Variants in ASB18 observed in about 807,000 individuals in gnomAD.
ASB18 encodes the protein ankyrin repeat and SOCS box protein 18.
A neutral mutation model predicts 33.4 loss-of-function variants in ASB18; 33 were observed. That is an observed-to-expected ratio of 0.99 (90% CI 0.75 to 1.32). The LOEUF is 1.32. Ranked by LOEUF, ASB18 falls within the 40% of genes most tolerant of loss-of-function variation. The pLI is 0.00. For missense variants in ASB18, 694 were observed against 655.5 expected, an observed-to-expected ratio of 1.06 and a Z score of -0.64; for synonymous variants, 295 against 307.6, an observed-to-expected ratio of 0.96 and a Z score of 0.43.
chr2:236,259,985 G>T lies in ASB18; in HGVS notation c.205+4156C>A, dbSNP rs2060710661. 6.6e-6 allele frequency among the ~76,000 whole-genome samples: 1 copy of T among 152,124 alleles called. No homozygotes were observed. The highest frequency in any genetic ancestry group is 2.4e-5 in the African/African-American group (1 of 41,442). ...CTTTTTCTCTATGCTTTTTTTTGGTGATGTTGACATGGATGCATCAAAATA... is the reference window on the plus strand; with the variant it reads ...CTTTTTCTCTATGCTTTTTTTTGGTTATGTTGACATGGATGCATCAAAATA... On this transcript the variant is annotated intron_variant, in intron 1 of 5. Coordinates refer to ENST00000409749, the MANE Select transcript of ASB18 (RefSeq NM_212556.4). This position sits in a 1 kb window ranked among gnomAD's most constrained non-coding sequence, Gnocchi z 4.4.
chr2:236,218,006 GAA>G (rs373109598), intron 3 of ASB18, among the ~76,000 whole-genome samples: 1 of 151,864 alleles, frequency 6.6e-6, no homozygotes, highest in African/African-American at 2.4e-5. Flanking sequence ...TCTTTTTAAA[GAA>G]AAAATTTTTT....
chr2:236,246,796 T>A (rs2060646755), intron 1 of ASB18, among the ~76,000 whole-genome samples: 1 of 151,830 alleles, frequency 6.6e-6, no homozygotes, highest in Non-Finnish European at 1.5e-5. Context: ...GCTCTTTGGG[T>A]CTTTCCTTTC....
rs1435116635 is a variant in ASB18, at chr2:236,237,509, G to T, written c.596+180C>A. 6.6e-6 allele frequency among the ~76,000 whole-genome samples: 1 copy of T among 150,944 alleles called. No homozygotes were observed. Among genetic ancestry groups the T allele is most frequent in the Admixed American group, 6.6e-5 (1 of 15,192 alleles). ...ATCTGGGTCCCGAGGCAGGGGCCGG[G>T]GTAGGGACGGGGCGGATGCGGGTCT... On this transcript the variant is annotated intron_variant, in intron 3 of 5. Transcript: ENST00000409749. This position sits in a 1 kb window ranked among gnomAD's most constrained non-coding sequence, Gnocchi z 6.2.
At position 236,263,994 on chromosome 2, in the gene ASB18, T is replaced by C. The variant is rs1476246470; in HGVS notation, c.205+147A>G. 2 of 681,114 alleles carry C rather than the reference T, an allele frequency of 2.9e-6. No individual in the cohort carries two copies. The highest frequency in any genetic ancestry group is 1.8e-5 in the African/African-American group (1 of 56,500). 42.2% of individuals were successfully genotyped at this position (681,114 alleles called of 1,614,324 possible). ...ATGTACATGGTCTATGCAGTACACA[T>C]ATATGCATGTATGTATGAGAGTCAG... On this transcript the variant is annotated intron_variant, in intron 1 of 5. Coordinates refer to ENST00000409749, the MANE Select transcript of ASB18 (RefSeq NM_212556.4). The surrounding 1 kb of genome is among the most constrained non-coding windows in gnomAD (Gnocchi z 4.0).
In ASB18 at chr2:236,200,040, A is replaced by G. The variant is rs1415099504; in HGVS notation, c.1102-3655T>C. ...TTTAGCATTGCATAGATAACAGTCA[A>G]GGTCCATTAGAAAAGAGATGGAGAA... is the stretch of plus-strand genomic sequence containing the variant. On this transcript the variant is annotated intron_variant, in intron 4 of 5. Coordinates refer to ENST00000409749, the MANE Select transcript of ASB18 (RefSeq NM_212556.4). The surrounding 1 kb of genome is among the most constrained non-coding windows in gnomAD (Gnocchi z 4.2). 1.3e-5 allele frequency among the ~76,000 whole-genome samples: 2 copies of G among 152,226 alleles called. No homozygotes were observed. The highest frequency in any genetic ancestry group is 4.8e-5 in the African/African-American group (2 of 41,456).
rs1319272649 is a variant in ASB18 at position 236,219,488 on chromosome 2, A to G, written c.597-4622T>C. 6.6e-6 allele frequency among the ~76,000 whole-genome samples: 1 copy of G among 152,142 alleles called. No individual in the cohort carries two copies. The stretch of plus-strand genomic sequence containing the variant: ...GTATGGCAATGCCCATGAGAAGGTG[A>G]GGAGAGGAGAGGCCTGGGCTGGCTG... On this transcript the variant is annotated intron_variant, in intron 3 of 5. Transcript: ENST00000409749. This position sits in a 1 kb window ranked among gnomAD's most constrained non-coding sequence, Gnocchi z 6.4.
At chr2:236,206,518 G>C (rs553900199) in intron 4 of ASB18, among the ~76,000 whole-genome samples, 1 of 152,174 alleles carries the variant, frequency 6.6e-6, no homozygotes, top group Non-Finnish European at 1.5e-5. Context: ...GAAGCACCAG[G>C]TTCTTTGAGG....
chr2:236,237,999 T>C lies in ASB18; in HGVS notation c.329-43A>G. The C allele has an allele frequency of 1.4e-6, 2 of 1,406,362 alleles. No individual in the cohort carries two copies. The highest frequency in any genetic ancestry group is 2.9e-5 in the South Asian group (2 of 70,112). The allele number at this position is 1,406,362 out of a possible 1,614,324, so 87.1% of individuals were successfully genotyped here. ...GGATGTAAGGTCAGGGGGAGGTTAGTTGTGGTGGTGGTGGGCGGTGTTCCT... is the reference window on the plus strand; with the variant it reads ...GGATGTAAGGTCAGGGGGAGGTTAGCTGTGGTGGTGGTGGGCGGTGTTCCT... On this transcript the variant is annotated intron_variant, in intron 2 of 5. Coordinates refer to ENST00000409749, the MANE Select transcript of ASB18 (RefSeq NM_212556.4). The surrounding 1 kb of genome is among the most constrained non-coding windows in gnomAD (Gnocchi z 6.2).
chr2:236,236,594 A>G (rs1182247997), intron 3 of ASB18, among the ~76,000 whole-genome samples: 1 of 151,520 alleles, frequency 6.6e-6, no homozygotes, highest in Non-Finnish European at 1.5e-5. Flanking sequence ...CCTCTTTCTC[A>G]AGACTGGCGG....
Position 236,214,613 on chromosome 2 carries a change from C to G in ASB18, c.850G>C (p.Ala284Pro). The G allele has an allele frequency of 8.2e-7, 1 of 1,213,780 alleles. No homozygotes were observed. Among genetic ancestry groups the G allele is most frequent in the Non-Finnish European group, 1.0e-6 (1 of 978,028 alleles). 75.2% of individuals were successfully genotyped at this position (1,213,780 alleles called of 1,614,324 possible). ...TCCTCGTCGCGCGCGTCCGCCTCCG[C>G]CCCGCGCCGCAGCAGCAGCGCGCAC... ...RLCALLLRRG[A>P]EADARDEDER... The change falls in exon 4 of 6, where the codon GCG (alanine) becomes CCG (proline). Residue 284 changes from alanine to proline, a missense_variant. Physicochemically the swap from Ala to Pro is conservative, Grantham distance 27 (BLOSUM62 -1). Transcript: ENST00000409749. This position sits in a 1 kb window ranked among gnomAD's most constrained non-coding sequence, Gnocchi z 6.5.
At position 236,214,593 on chromosome 2, in the gene ASB18, G is replaced by A; in HGVS notation, c.870C>T (p.Asp290=). ...LRRGAEADAR[D]EDERSPLHKA... is the part of the protein sequence containing the mutation. The stretch of plus-strand genomic sequence containing the variant: ...TGTGCAGCGGGCTGCGCTCGTCCTC[G>A]TCGCGCGCGTCCGCCTCCGCCCCGC... The change falls in exon 4 of 6, where the codon GAC becomes GAT. Residue 290 remains aspartate (D), a synonymous_variant. Transcript: ENST00000409749. This position sits in a 1 kb window ranked among gnomAD's most constrained non-coding sequence, Gnocchi z 6.5. 7.9e-7 allele frequency: 1 copy of A among 1,265,754 alleles called. No individual in the cohort carries two copies. Among genetic ancestry groups the A allele is most frequent in the East Asian group, 3.4e-5 (1 of 29,726 alleles). The allele number at this position is 1,265,754 out of a possible 1,614,324, so 78.4% of individuals were successfully genotyped here. A position where few individuals can be genotyped will look rare whatever the true frequency, so the allele number is the denominator to read the frequency against.
At chr2:236,243,685 AT>A (rs5839630) in intron 1 of ASB18, among the ~76,000 whole-genome samples, 82,986 of 150,716 alleles carry the variant, frequency 0.55, 22,881 homozygotes, top group Middle Eastern at 0.67. Context: ...GTAATGCCAC[AT>A]TTTTTTTTTC....
intron 3 of ASB18, among the ~76,000 whole-genome samples, chr2:236,227,675 A>T (rs1425119264): frequency 6.6e-6 from 1 of 152,252 alleles, no homozygotes; most frequent in African/African-American, 2.4e-5. Context: ...CAATCAATAC[A>T]CAATTGAATA....
In ASB18 at chr2:236,216,493, T is replaced by C. The variant is rs536760563; in HGVS notation, c.597-1627A>G. On this transcript the variant is annotated intron_variant, in intron 3 of 5. Coordinates refer to ENST00000409749, the MANE Select transcript of ASB18 (RefSeq NM_212556.4). The surrounding 1 kb of genome is among the most constrained non-coding windows in gnomAD (Gnocchi z 6.1). Reference sequence around the variant, plus strand: ...ATCTTGGCCCAGAGTTAGTCGTCTTTGGCTTATTTGGGGTCTTGCTCTAGA... The same window carrying C: ...ATCTTGGCCCAGAGTTAGTCGTCTTCGGCTTATTTGGGGTCTTGCTCTAGA... Among the ~76,000 whole-genome samples the C allele has an allele frequency of 6.6e-6, 1 of 152,324 alleles. No homozygotes were observed. Among genetic ancestry groups the C allele is most frequent in the South Asian group, 2.1e-4 (1 of 4,828 alleles).
chr2:236,210,549 C>A (rs11894118), intron 4 of ASB18: 26,220 of 152,194 alleles, frequency 0.17, 2,279 homozygotes, highest in South Asian at 0.25. Flanking sequence ...AGGTGAGAGT[C>A]TGAACTCTTT....
rs2060415562 is a variant in ASB18, at chr2:236,203,390, G to T, written c.1102-7005C>A. Among the ~76,000 whole-genome samples the T allele has an allele frequency of 6.6e-6, 1 of 152,136 alleles. No homozygotes were observed. The highest frequency in any genetic ancestry group is 2.1e-4 in the South Asian group (1 of 4,824). Reference sequence around the variant, plus strand: ...AAACGTATTATGCCAGGTTTGGGAGGTGAGAAGGAGCAAATAATGTTGGCT... The same window carrying T: ...AAACGTATTATGCCAGGTTTGGGAGTTGAGAAGGAGCAAATAATGTTGGCT... On this transcript the variant is annotated intron_variant, in intron 4 of 5. Coordinates refer to ENST00000409749, the MANE Select transcript of ASB18 (RefSeq NM_212556.4). This position sits in a 1 kb window ranked among gnomAD's most constrained non-coding sequence, Gnocchi z 6.0.
At position 236,256,826 on chromosome 2, in the gene ASB18, C is replaced by T. The variant is rs1182570774; in HGVS notation, c.205+7315G>A. Among the ~76,000 whole-genome samples the T allele has an allele frequency of 6.6e-6, 1 of 152,058 alleles. No homozygotes were observed. The highest frequency in any genetic ancestry group is 2.4e-5 in the African/African-American group (1 of 41,370). On this transcript the variant is annotated intron_variant, in intron 1 of 5. Coordinates refer to ENST00000409749, the MANE Select transcript of ASB18 (RefSeq NM_212556.4). This position sits in a 1 kb window ranked among gnomAD's most constrained non-coding sequence, Gnocchi z 4.7. Reference sequence around the variant, plus strand: ...TGTCCATATGCCTTTGAAGCCGGACCATTAGCTCTAAGGCATGCATCTCAT... The same window carrying T: ...TGTCCATATGCCTTTGAAGCCGGACTATTAGCTCTAAGGCATGCATCTCAT...
At chr2:236,197,137 T>C (rs2060378305) in intron 4 of ASB18, among the ~76,000 whole-genome samples, 1 of 150,908 alleles carries the variant, frequency 6.6e-6, no homozygotes, top group Non-Finnish European at 1.5e-5. Flanking sequence ...GCAAATTCCA[T>C]GTATCCTATA....
Position 236,238,050 on chromosome 2 carries a change from C to T in ASB18, c.329-94G>A, listed in dbSNP as rs2060604619. The stretch of plus-strand genomic sequence containing the variant: ...TAAGGCGGAAAGAAAGTGAAGCCGT[C>T]TCTTAAAGGTAGGTACCAGGTAGGC... On this transcript the variant is annotated intron_variant, in intron 2 of 5. Transcript: ENST00000409749. The surrounding 1 kb of genome is among the most constrained non-coding windows in gnomAD (Gnocchi z 5.2). 8.9e-7 allele frequency: 1 copy of T among 1,124,074 alleles called. No individual in the cohort carries two copies. Among genetic ancestry groups the T allele is most frequent in the East Asian group, 3.2e-5 (1 of 30,930 alleles). The allele number at this position is 1,124,074 out of a possible 1,614,324, so 69.6% of individuals were successfully genotyped here. A position where few individuals can be genotyped will look rare whatever the true frequency, so the allele number is the denominator to read the frequency against.
Sources: gnomAD v4.1 joint callset for allele counts (sites outside exome capture counted in the v4.1 genomes callset) on GRCh38, gnomAD v4.1.1 for gene constraint, Gnocchi (gnomAD v3.1) non-coding constraint, MANE v1.5 for transcripts, NCBI Gene and HGNC (gene_info 2026-07-23, HGNC 2026-07-21) for gene names.